PKM: variants seen among roughly 807,000 people sequenced by gnomAD.
PKM encodes pyruvate kinase PKM.
A neutral mutation model predicts 49.8 loss-of-function variants in PKM; 18 were observed. That is an observed-to-expected ratio of 0.36 (90% CI 0.25 to 0.54). The LOEUF is 0.54. Ranked by LOEUF, PKM falls within the 20% of genes least tolerant of loss-of-function variation. PKM has a pLI of 0.89. For synonymous variants in PKM, 239 were observed against 261.8 expected, an observed-to-expected ratio of 0.91 and a Z score of 0.84; for missense variants, 508 against 713.8, an observed-to-expected ratio of 0.71 and a Z score of 3.28.
At chr15:72,219,410 C>A in intron 1 of PKM, 1 of 265,904 alleles carries the variant, frequency 3.8e-6, no homozygotes. Context: ...CTGACATCTA[C>A]CTAGACAGCT....
Position 72,202,676 on chromosome 15 carries a change from C to T in PKM, c.1141-56G>A. ...AGAGGGGGACAGAGCTTTGTCAGAG[C>T]TTTGTCACAAAAGGAGAGGGAGGGG... On this transcript the variant is annotated intron_variant, in intron 8 of 10. Coordinates refer to ENST00000335181, the MANE Select transcript of PKM (RefSeq NM_002654.6). The surrounding 1 kb of genome is among the most constrained non-coding windows in gnomAD (Gnocchi z 4.5). 6 of 1,496,620 alleles carry T rather than the reference C, an allele frequency of 4.0e-6. No homozygotes were observed. Among genetic ancestry groups the T allele is most frequent in the Non-Finnish European group, 5.5e-6 (6 of 1,085,708 alleles). 92.7% of individuals were successfully genotyped at this position (1,496,620 alleles called of 1,614,324 possible). A position where few individuals can be genotyped will look rare whatever the true frequency, so the allele number is the denominator to read the frequency against.
rs2081883197 is a variant in PKM at position 72,199,595 on chromosome 15, G to A, written c.*55C>T. ...TTCTACAAGCGTTGCTGGCCTAATG[G>A]ATGGGCTGGGGGAAGGGGGTGGGAC... On this transcript the variant is annotated 3_prime_UTR_variant, in exon 11 of 11. Coordinates refer to ENST00000335181, the MANE Select transcript of PKM (RefSeq NM_002654.6). 7.9e-7 allele frequency: 1 copy of A among 1,262,144 alleles called. No individual in the cohort carries two copies. Among genetic ancestry groups the A allele is most frequent in the East Asian group, 2.3e-5 (1 of 42,796 alleles). 78.2% of individuals were successfully genotyped at this position (1,262,144 alleles called of 1,614,324 possible). A position where few individuals can be genotyped will look rare whatever the true frequency, so the allele number is the denominator to read the frequency against.
At chr15:72,201,504 T>C (rs943277200) in intron 9 of PKM, 1 of 152,308 alleles carries the variant, frequency 6.6e-6, no homozygotes, top group Non-Finnish European at 1.5e-5. Context: ...GAGAAGTCCC[T>C]GCACTTCACG....
In PKM at chr15:72,200,744, T is replaced by A. The variant is rs1188215159; in HGVS notation, c.1308-89A>T. The A allele has an allele frequency of 3.5e-6, 4 of 1,147,114 alleles. No individual in the cohort carries two copies. Among genetic ancestry groups the A allele is most frequent in the African/African-American group, 3.1e-5 (2 of 65,516 alleles). The allele number at this position is 1,147,114 out of a possible 1,614,324, so 71.1% of individuals were successfully genotyped here. The stretch of plus-strand genomic sequence containing the variant: ...GGCGTTCAAACAGCTCACCCTCTCA[T>A]CCAGCTCACTGAGGGCTCTGGCCTC... On this transcript the variant is annotated intron_variant, in intron 9 of 10. Transcript: ENST00000335181. This position sits in a 1 kb window ranked among gnomAD's most constrained non-coding sequence, Gnocchi z 4.6.
rs11558362 is a variant in PKM, at chr15:72,199,429, T to C, written c.*221A>G. On this transcript the variant is annotated 3_prime_UTR_variant, in exon 11 of 11. Coordinates refer to ENST00000335181, the MANE Select transcript of PKM (RefSeq NM_002654.6). ...CAGCATTCCTCCTTCTTCCCTTGATTGGGTGGGGCCACATGATGGGCAGCC... is the reference window on the plus strand; with the variant it reads ...CAGCATTCCTCCTTCTTCCCTTGATCGGGTGGGGCCACATGATGGGCAGCC... The C allele has an allele frequency of 1.4e-6, 1 of 692,380 alleles. No homozygotes were observed. Among genetic ancestry groups the C allele is most frequent in the African/African-American group, 1.8e-5 (1 of 56,972 alleles). 42.9% of individuals were successfully genotyped at this position (692,380 alleles called of 1,614,324 possible).
Position 72,202,403 on chromosome 15 carries a change from G to C in PKM, c.1307+51C>G. 6.4e-7 allele frequency: 1 copy of C among 1,567,892 alleles called. No homozygotes were observed. Among genetic ancestry groups the C allele is most frequent in the East Asian group, 2.3e-5 (1 of 44,030 alleles). ...AATGGACTGCTCCCAGGACCCCCAA[G>C]GTGAGGTACCACTGAGCAGGGCATT... On this transcript the variant is annotated intron_variant, in intron 9 of 10. Transcript: ENST00000335181. This position sits in a 1 kb window ranked among gnomAD's most constrained non-coding sequence, Gnocchi z 4.5.
In PKM at chr15:72,202,990, C is replaced by T. The variant is rs200393383; in HGVS notation, c.1141-370G>A. On this transcript the variant is annotated intron_variant, in intron 8 of 10. Coordinates refer to ENST00000335181, the MANE Select transcript of PKM (RefSeq NM_002654.6). This position sits in a 1 kb window ranked among gnomAD's most constrained non-coding sequence, Gnocchi z 4.5. Reference sequence around the variant, plus strand: ...GCAGGTGGAGCAAGAGGCTGGTTATCCTAACAGTGTTACCTGCCCTTAGGG... The same window carrying T: ...GCAGGTGGAGCAAGAGGCTGGTTATTCTAACAGTGTTACCTGCCCTTAGGG... 22 of 1,607,226 alleles carry T rather than the reference C, an allele frequency of 1.4e-5. No individual in the cohort carries two copies. The African/African-American group carries it at 2.9e-4, about 21-fold the overall frequency.
intron 9 of PKM, chr15:72,201,835 C>CT (rs554693056): frequency 5.4e-4 from 87 of 160,418 alleles, no homozygotes; most frequent in Admixed American, 1.2e-3. Flanking sequence ...AAGGAGCATA[C>CT]TCCCTAACTA....
At position 72,223,533 on chromosome 15, in the gene PKM, G is replaced by A. The variant is rs920146714; in HGVS notation, c.-13-4423C>T. Reference sequence around the variant, plus strand: ...ACAACTCTTCCGAACACCTGCATCCGTTAGAAAGTCTGCATCATGATACGC... The same window carrying A: ...ACAACTCTTCCGAACACCTGCATCCATTAGAAAGTCTGCATCATGATACGC... On this transcript the variant is annotated intron_variant, in intron 1 of 10. Transcript: ENST00000335181. 3.9e-5 allele frequency among the ~76,000 whole-genome samples: 6 copies of A among 152,130 alleles called. No individual in the cohort carries two copies. In the East Asian group the frequency reaches 9.6e-4, roughly 24 times the overall value.
chr15:72,229,233 T>C (rs2082773486), intron 1 of PKM, among the ~76,000 whole-genome samples: 1 of 152,212 alleles, frequency 6.6e-6, no homozygotes, highest in Non-Finnish European at 1.5e-5. Flanking sequence ...TCACAGGCTT[T>C]TCTTCTGGGT....
At chr15:72,203,231 G>A (rs752581832) in intron 8 of PKM, 2 of 1,576,186 alleles carry the variant, frequency 1.3e-6, no homozygotes, top group Non-Finnish European at 1.7e-6. Flanking sequence ...GAGGGAAGGA[G>A]GAGGAAAAAA....
chr15:72,230,590 A>T (rs2082833004), intron 1 of PKM, among the ~76,000 whole-genome samples: 1 of 152,072 alleles, frequency 6.6e-6, no homozygotes, highest in Non-Finnish European at 1.5e-5. Flanking sequence ...GCGGTCGCGC[A>T]TGAATGGAGA....
rs80266044 is a variant in PKM at position 72,220,872 on chromosome 15, T to C, written c.-13-1762A>G. ...TGGTCCCTTTCCCTACACTCATGGT[T>C]GAGGGAGGGCTCGCATACCTTCAGA... On this transcript the variant is annotated intron_variant, in intron 1 of 10. Transcript: ENST00000335181. Among the ~76,000 whole-genome samples, 564 of 152,300 alleles carry C rather than the reference T, an allele frequency of 3.7e-3. 4 individuals are homozygous for C. The highest frequency in any genetic ancestry group is 5.8e-3 in the Non-Finnish European group (394 of 68,012).
At chr15:72,203,209 G>A (rs1360620616) in intron 8 of PKM, 4 of 1,611,234 alleles carry the variant, frequency 2.5e-6, no homozygotes, top group South Asian at 1.1e-5. Flanking sequence ...TAGGGGAAGA[G>A]GGGGCAAGGA....
intron 8 of PKM, chr15:72,203,346 G>A (rs957837163): frequency 4.5e-6 from 3 of 664,978 alleles, no homozygotes; most frequent in East Asian, 2.7e-5. Context: ...CAGAGGTAGG[G>A]TGATGAAAGT....
intron 8 of PKM, among the ~76,000 whole-genome samples, chr15:72,204,990 C>A (rs778663731): frequency 3.9e-5 from 6 of 152,128 alleles, no homozygotes; most frequent in Admixed American, 1.3e-4. Context: ...TGTGAGACTG[C>A]GCCAAGAGTA....
rs775116934 is a variant in PKM, at chr15:72,199,744, C to T, written c.1502G>A (p.Gly501Asp). The T allele has an allele frequency of 6.2e-7, 1 of 1,613,434 alleles. No individual in the cohort carries two copies. The highest frequency in any genetic ancestry group is 1.1e-5 in the South Asian group (1 of 91,004). The change falls in exon 11 of 11, where the codon GGC becomes GAC. Residue 501 changes from glycine to aspartate, a missense_variant. Gly to Asp is a moderately conservative substitution (Grantham distance 94). Transcript: ENST00000335181. ...NFAMNVGKAR[G>D]FFKKGDVVIV... ...GACCACATCTCCCTTCTTGAAGAAG[C>T]CTCGGGCCTTGCCTGGAGGAAGAGA...
intron 3 of PKM, among the ~76,000 whole-genome samples, chr15:72,212,336 G>A (rs1349738837): frequency 2.0e-5 from 3 of 152,044 alleles, no homozygotes; most frequent in African/African-American, 7.2e-5. Flanking sequence ...TTAGCTGGGC[G>A]TGGTGGCGTG....
chr15:72,200,773 A>G lies in PKM; in HGVS notation c.1308-118T>C. Reference sequence around the variant, plus strand: ...GCTCACTGAGGGCTCTGGCCTCTTCAACATCTGCTCCCTAGGACCCCTCCC... The same window carrying G: ...GCTCACTGAGGGCTCTGGCCTCTTCGACATCTGCTCCCTAGGACCCCTCCC... On this transcript the variant is annotated intron_variant, in intron 9 of 10. Coordinates refer to ENST00000335181, the MANE Select transcript of PKM (RefSeq NM_002654.6). The surrounding 1 kb of genome is among the most constrained non-coding windows in gnomAD (Gnocchi z 4.6). The G allele has an allele frequency of 1.2e-6, 1 of 846,816 alleles. No individual in the cohort carries two copies. The highest frequency in any genetic ancestry group is 1.8e-6 in the Non-Finnish European group (1 of 541,910). The allele number at this position is 846,816 out of a possible 1,614,324, so 52.5% of individuals were successfully genotyped here. A position where few individuals can be genotyped will look rare whatever the true frequency, so the allele number is the denominator to read the frequency against.
Sources: gnomAD v4.1 joint callset for allele counts (sites outside exome capture counted in the v4.1 genomes callset) on GRCh38, gnomAD v4.1.1 for gene constraint, Gnocchi (gnomAD v3.1) non-coding constraint, MANE v1.5 for transcripts, NCBI Gene and HGNC (gene_info 2026-07-23, HGNC 2026-07-21) for gene names.